CACNA1E: variants seen among roughly 807,000 people sequenced by gnomAD.
CACNA1E encodes the protein voltage-dependent R-type calcium channel subunit alpha-1E.
In CACNA1E, 40 loss-of-function variants were observed where a neutral mutation model predicts 259.2. That is an observed-to-expected ratio of 0.15 (90% confidence interval 0.12 to 0.20). CACNA1E has a LOEUF of 0.20. CACNA1E is among the 10% of genes least tolerant of loss of function. The pLI is 1.00. For missense variants in CACNA1E, 1,874 were observed against 3,040.1 expected (o/e 0.62, Z 9.02); for synonymous variants, 1,104 against 1,138.5 (o/e 0.97, Z 0.61).
rs1655709412 is a variant in CACNA1E, at chr1:181,733,428, T to C, written c.2949-9T>C. On this transcript the variant is annotated splice_polypyrimidine_tract_variant and intron_variant, in intron 20 of 47. Coordinates refer to ENST00000367573, the MANE Select transcript of CACNA1E (RefSeq NM_001205293.3). ...TGAGCACCAGCTCTCTCTTCCTCTC[T>C]CTTCACAGGACCAACAGTCTGATGG... The C allele has an allele frequency of 6.7e-7, 1 of 1,502,250 alleles. No individual in the cohort carries two copies. 93.1% of individuals were successfully genotyped at this position (1,502,250 alleles called of 1,614,324 possible).
At chr1:181,511,555 G>A in intron 3 of CACNA1E, 45 bp downstream of exon 3, 1 of 1,605,596 alleles carries the variant, frequency 6.2e-7, no homozygotes, top group Non-Finnish European at 8.5e-7. Flanking sequence ...TATGAAGGGG[G>A]TTGGTATCAT....
intron 2 of CACNA1E, among the ~76,000 whole-genome samples, chr1:181,466,306 G>T (rs1662150762): frequency 6.6e-6 from 1 of 152,134 alleles, no homozygotes; most frequent in East Asian, 1.9e-4. Context: ...ACTTTGGGAG[G>T]CCAAGGCTGG....
intron 3 of CACNA1E, among the ~76,000 whole-genome samples, chr1:181,569,602 G>T (rs1215209985): frequency 2.6e-5 from 4 of 152,188 alleles, no homozygotes; most frequent in African/African-American, 9.7e-5. Context: ...GTAGATTTTT[G>T]ATAGATCATA....
chr1:181,725,850 ACG>A (rs1231521013), intron 17 of CACNA1E, among the ~76,000 whole-genome samples: 23 of 152,346 alleles, frequency 1.5e-4, no homozygotes, highest in Admixed American at 2.0e-4. Context: ...ATTGCTGGCC[ACG>A]CTATAGCTGT....
At chr1:181,327,239 G>T (rs1650865195) in intron 1 of CACNA1E, among the ~76,000 whole-genome samples, 1 of 152,128 alleles carries the variant, frequency 6.6e-6, no homozygotes, top group African/African-American at 2.4e-5. Context: ...CTTTGTTGCA[G>T]TACAATCTCC....
intron 7 of CACNA1E, among the ~76,000 whole-genome samples, chr1:181,663,310 A>G (rs544109116): frequency 3.3e-5 from 5 of 152,320 alleles, no homozygotes; most frequent in South Asian, 4.1e-4. Flanking sequence ...AATTGAGGAA[A>G]TGGAGACTGA....
At chr1:181,501,843 C>CA (rs1297603214) in intron 1 of CACNA1E, among the ~76,000 whole-genome samples, 1 of 152,102 alleles carries the variant, frequency 6.6e-6, no homozygotes, top group African/African-American at 2.4e-5. Flanking sequence ...ATCCCACCAC[C>CA]ATGGAAACCA....
rs191698524 is a variant in CACNA1E, at chr1:181,365,461, T to G, written c.-15+47338T>G. Among the ~76,000 whole-genome samples the G allele has an allele frequency of 1.8e-3, 267 of 152,386 alleles. 1 individual carries two copies. Among genetic ancestry groups the G allele is most frequent in the African/African-American group, 6.3e-3 (263 of 41,604 alleles). The stretch of plus-strand genomic sequence containing the variant: ...TGCTGGGATTACAGGCATGAGTCAC[T>G]GCACCTGGCCGATCCTAGCCTTTGA... On this transcript the variant is annotated intron_variant, in intron 1 of 11. Transcript: ENST00000524607.
chr1:181,339,063 A>G (rs2102625890), intron 1 of CACNA1E, among the ~76,000 whole-genome samples: 1 of 151,938 alleles, frequency 6.6e-6, no homozygotes, highest in Non-Finnish European at 1.5e-5. Context: ...GATTATTATA[A>G]TTTTGTAATA....
chr1:181,789,572 C>G (rs1661119665), intron 43 of CACNA1E, among the ~76,000 whole-genome samples: 1 of 152,138 alleles, frequency 6.6e-6, no homozygotes, highest in Non-Finnish European at 1.5e-5. Flanking sequence ...GAAGCTCACT[C>G]TGCATTCTTG....
chr1:181,658,406 C>G (rs1277277895), intron 7 of CACNA1E, among the ~76,000 whole-genome samples: 1 of 152,220 alleles, frequency 6.6e-6, no homozygotes, highest in Non-Finnish European at 1.5e-5. Context: ...CACTTATTAG[C>G]ATTGCGAATT....
chr1:181,413,798 C>T (rs540102407), intron 2 of CACNA1E, among the ~76,000 whole-genome samples: 1 of 152,324 alleles, frequency 6.6e-6, no homozygotes, highest in South Asian at 2.1e-4. Flanking sequence ...CTCACTGAGG[C>T]GTTCAGCTGT....
intron 1 of CACNA1E, among the ~76,000 whole-genome samples, chr1:181,406,923 C>A (rs1012952487): frequency 1.3e-5 from 2 of 152,142 alleles, no homozygotes; most frequent in Admixed American, 1.3e-4. Context: ...ATATTATTAT[C>A]CTCATTGTTT....
At chr1:181,499,778 A>T (rs1402650372) in intron 1 of CACNA1E, among the ~76,000 whole-genome samples, 1 of 152,230 alleles carries the variant, frequency 6.6e-6, no homozygotes, top group Non-Finnish European at 1.5e-5. Context: ...AAAGCTTTCC[A>T]GGTGATTCTA....
chr1:181,768,875 TAATA>T (rs746172080), intron 35 of CACNA1E, among the ~76,000 whole-genome samples: 1 of 152,138 alleles, frequency 6.6e-6, no homozygotes, highest in Non-Finnish European at 1.5e-5. Flanking sequence ...TCTGTACAAA[TAATA>T]AACGCAAGGG....
At chr1:181,320,443 C>T (rs1259774928) in intron 1 of CACNA1E, among the ~76,000 whole-genome samples, 1 of 152,118 alleles carries the variant, frequency 6.6e-6, no homozygotes, top group East Asian at 1.9e-4. Context: ...GTGTAGTTAC[C>T]ATTGATTGAT....
At chr1:181,318,298 C>T (rs949177464) in intron 1 of CACNA1E, among the ~76,000 whole-genome samples, 2 of 152,156 alleles carry the variant, frequency 1.3e-5, no homozygotes, top group African/African-American at 4.8e-5. Flanking sequence ...TTCTCGGAAT[C>T]TCCTCTGCAC....
chr1:181,459,759 C>T (rs1661684022), intron 2 of CACNA1E, among the ~76,000 whole-genome samples: 1 of 152,208 alleles, frequency 6.6e-6, no homozygotes, highest in African/African-American at 2.4e-5. Context: ...GTGTACCTCC[C>T]ACCTCTTACC....
rs536018756 is a variant in CACNA1E at position 181,434,753 on chromosome 1, A to G, written c.434+21173A>G. On this transcript the variant is annotated intron_variant, in intron 2 of 11. Transcript: ENST00000524607. The stretch of plus-strand genomic sequence containing the variant: ...GTGGGAGGAGCTACGGGAGGTGGGC[A>G]GGAGCCACCTGGTCAGGGAACACTT... Among the ~76,000 whole-genome samples the G allele has an allele frequency of 1.3e-4, 20 of 152,342 alleles. No individual in the cohort carries two copies. In the South Asian group the frequency reaches 3.1e-3, roughly 24 times the overall value.
Sources: allele counts gnomAD v4.1 joint callset (sites outside exome capture counted in the v4.1 genomes callset), GRCh38; gene constraint gnomAD v4.1.1; transcripts MANE v1.5; gene names NCBI Gene and HGNC (gene_info 2026-07-23, HGNC 2026-07-21).